Variants in GNL3L observed in about 807,000 individuals in gnomAD.
The protein encoded by GNL3L is G protein nucleolar 3 like.
A neutral mutation model predicts 42.9 loss-of-function variants in GNL3L; 4 were observed. The ratio of observed to expected loss-of-function variants is 0.09; its 90% CI spans 0.05 to 0.21. GNL3L has a LOEUF of 0.21. Ranked by LOEUF, GNL3L falls within the 10% of genes least tolerant of loss-of-function variation. The pLI, the probability that GNL3L is intolerant of heterozygous loss-of-function variation, is 1.00. For synonymous variants in GNL3L, 159 were observed against 176.3 expected, an observed-to-expected ratio of 0.90 and a Z score of 0.78; for missense variants, 412 against 481.7, an observed-to-expected ratio of 0.86 and a Z score of 1.36.
intron 16 of GNL3L, among the ~76,000 whole-genome samples, chrX:54,592,451 G>C (rs781701880): frequency 2.7e-5 from 3 of 111,829 alleles, no homozygotes; most frequent in South Asian, 3.7e-4. Flanking sequence ...TGGGTCTTTT[G>C]TATATGGCTT....
chrX:54,540,391 G>A lies in GNL3L; in HGVS notation c.189+149G>A, dbSNP rs143799702. On this transcript the variant is annotated intron_variant, in intron 4 of 15. Transcript: ENST00000360845. ...GAGAGAGGGAGGTTACCATGATACTGGATTTATGTCTGCGTTTGTTCACCA... is the reference window on the plus strand; with the variant it reads ...GAGAGAGGGAGGTTACCATGATACTAGATTTATGTCTGCGTTTGTTCACCA... The A allele has an allele frequency of 1.5e-3, 705 of 466,435 alleles. 3 individuals are homozygous for A. Among genetic ancestry groups the A allele is most frequent in the African/African-American group, 0.015 (619 of 41,404 alleles). The allele number at this position is 466,435 out of a possible 1,213,427, so 38.4% of individuals were successfully genotyped here.
chrX:54,622,320 C>T (rs1180464692), downstream of GNL3L, among the ~76,000 whole-genome samples: 2 of 84,580 alleles, frequency 2.4e-5, no homozygotes, highest in Non-Finnish European at 4.3e-5. Flanking sequence ...AGTCTTGCTC[C>T]GTCGCCCAGG....
At chrX:54,581,973 T>G (rs1439408568) in intron 16 of GNL3L, among the ~76,000 whole-genome samples, 1 of 112,192 alleles carries the variant, frequency 8.9e-6, no homozygotes, top group Non-Finnish European at 1.9e-5. Flanking sequence ...TTTATATTTA[T>G]TGATTGAAGA....
At chrX:54,537,547 A>C (rs1179861562) in intron 2 of GNL3L, among the ~76,000 whole-genome samples, 1 of 111,494 alleles carries the variant, frequency 9.0e-6, no homozygotes, top group East Asian at 2.8e-4. Context: ...TTTTTGCTCT[A>C]AGTAAGCCCC....
chrX:54,582,764 G>A (rs769750801), intron 16 of GNL3L, among the ~76,000 whole-genome samples: 10 of 111,529 alleles, frequency 9.0e-5, no homozygotes, highest in Non-Finnish European at 1.7e-4. Context: ...CGTATTTTTA[G>A]TAGAGATGGG....
At chrX:54,537,815 C>T (rs2147473185) in intron 2 of GNL3L, among the ~76,000 whole-genome samples, 1 of 110,597 alleles carries the variant, frequency 9.0e-6, no homozygotes, top group African/African-American at 3.3e-5. Context: ...TGCTTTGTTG[C>T]CCAGGCTGGA....
chrX:54,640,459 CTG>C, the GNL3L span, among the ~76,000 whole-genome samples: 1 of 112,178 alleles, frequency 8.9e-6, no homozygotes, highest in Non-Finnish European at 1.9e-5. Flanking sequence ...TAATTTTTCT[CTG>C]TTGCTATAGA....
intron 16 of GNL3L, among the ~76,000 whole-genome samples, chrX:54,614,877 G>A (rs1241363934): frequency 3.6e-5 from 4 of 111,180 alleles, no homozygotes; most frequent in Non-Finnish European, 7.5e-5. Flanking sequence ...AATTTACAAC[G>A]TGAGCTTCCA....
rs777196755 is a variant in GNL3L at position 54,614,823 on chromosome X, C to T, written c.*46-6022C>T. Among the ~76,000 whole-genome samples, 24 of 111,199 alleles carry T rather than the reference C, an allele frequency of 2.2e-4. No individual in the cohort carries two copies. The East Asian group carries it at 3.7e-3, about 17-fold the overall frequency. ...TGCTTCCTTCAGAGGGTCTTTGGGTCCTCTTGGGATTGCTTGGGATTCTTG... is the reference window on the plus strand; with the variant it reads ...TGCTTCCTTCAGAGGGTCTTTGGGTTCTCTTGGGATTGCTTGGGATTCTTG... On this transcript the variant is annotated intron_variant, in intron 16 of 16. Transcript: ENST00000674498.
intron 16 of GNL3L, among the ~76,000 whole-genome samples, chrX:54,593,453 G>T (rs1925893749): frequency 9.1e-6 from 1 of 110,068 alleles, no homozygotes; most frequent in African/African-American, 3.3e-5. Flanking sequence ...GAATTTCTGT[G>T]GTATCAGTTG....
Position 54,551,671 on chromosome X carries a change from G to C in GNL3L, c.967G>C (p.Val323Leu). Residue 323 changes from valine (V) to leucine (L), a missense_variant, in exon 11 of 16, where the codon GTC (valine) becomes CTC (leucine). By Grantham distance (32) the Val-to-Leu change is conservative. Transcript: ENST00000360845. ...GGTGGGCACCATCCTGCGTAACTGCGTCCACGTGCAGAAGCTGGCAGACCC... is the reference window on the plus strand; with the variant it reads ...GGTGGGCACCATCCTGCGTAACTGCCTCCACGTGCAGAAGCTGGCAGACCC... Reference protein sequence around the residue: ...SEVGTILRNCVHVQKLADPVT... With the variant: ...SEVGTILRNCLHVQKLADPVT... The C allele has an allele frequency of 8.3e-7, 1 of 1,211,042 alleles. No homozygotes were observed. The highest frequency in any genetic ancestry group is 1.1e-6 in the Non-Finnish European group (1 of 894,875).
At chrX:54,573,334 A>G (rs1925585931) in intron 16 of GNL3L, among the ~76,000 whole-genome samples, 1 of 113,051 alleles carries the variant, frequency 8.8e-6, no homozygotes, top group Non-Finnish European at 1.9e-5. Context: ...ACTCGCGGTT[A>G]GGAGCTGGAG....
chrX:54,536,800 CAG>C (rs1301600708), intron 2 of GNL3L, among the ~76,000 whole-genome samples: 7 of 47,639 alleles, frequency 1.5e-4, no homozygotes, highest in Admixed American at 4.8e-4. Context: ...AAAAAAAAAA[CAG>C]AGAGAGAGAG....
intron 16 of GNL3L, among the ~76,000 whole-genome samples, chrX:54,599,368 G>A (rs1038509247): frequency 1.7e-4 from 19 of 111,407 alleles, no homozygotes; most frequent in African/African-American, 6.2e-4. Flanking sequence ...ATTTTCTTTA[G>A]GGAGAAGGAA....
intron 2 of GNL3L, among the ~76,000 whole-genome samples, chrX:54,538,515 A>G (rs949359448): frequency 9.0e-6 from 1 of 111,672 alleles, no homozygotes; most frequent in African/African-American, 3.3e-5. Flanking sequence ...TGATTGGAGA[A>G]GTGGTAGATC....
In GNL3L at chrX:54,532,528, C is replaced by T. The variant is rs1924282588; in HGVS notation, c.-39C>T. On this transcript the variant is annotated 5_prime_UTR_variant, in exon 2 of 16. Transcript: ENST00000360845. ...TTCTCCCATTCTGACAGGAAGAGAG[C>T]AAGCAGATTTGAACCTATCTGCTTT... 1.7e-6 allele frequency: 2 copies of T among 1,144,930 alleles called. No individual in the cohort carries two copies. The highest frequency in any genetic ancestry group is 2.2e-5 in the Admixed American group (1 of 45,431). The allele number at this position is 1,144,930 out of a possible 1,213,427, so 94.4% of individuals were successfully genotyped here.
At chrX:54,621,626 C>A (rs187026109), downstream of GNL3L, among the ~76,000 whole-genome samples, 645 of 111,349 alleles carry the variant, frequency 5.8e-3, 6 homozygotes, top group African/African-American at 0.02. Flanking sequence ...AGCAACATGG[C>A]AAAATCCCAT....
chrX:54,534,216 G>A (rs1292521270), intron 2 of GNL3L, among the ~76,000 whole-genome samples: 7 of 105,640 alleles, frequency 6.6e-5, no homozygotes, highest in Non-Finnish European at 1.3e-4. Flanking sequence ...GGGAAAAATA[G>A]TCTCAGCTTG....
chrX:54,634,936 T>C, the GNL3L span, among the ~76,000 whole-genome samples: 1 of 107,508 alleles, frequency 9.3e-6, no homozygotes, highest in Non-Finnish European at 1.9e-5. Flanking sequence ...GGATTACAGG[T>C]GCCCGCCACC....
Sources: gnomAD v4.1 joint callset for allele counts (sites outside exome capture counted in the v4.1 genomes callset) on GRCh38, gnomAD v4.1.1 for gene constraint, MANE v1.5 for transcripts, NCBI Gene and HGNC (gene_info 2026-07-23, HGNC 2026-07-21) for gene names.